TENM3: variants seen among roughly 807,000 people sequenced by gnomAD.
TENM3 encodes teneurin-3.
A neutral mutation model predicts 255.1 loss-of-function variants in TENM3; 63 were observed. That is an observed-to-expected ratio of 0.25 (90% CI 0.20 to 0.30). The LOEUF is 0.30. Ranked by LOEUF, TENM3 falls within the 10% of genes least tolerant of loss-of-function variation. TENM3 has a pLI of 1.00. For synonymous variants in TENM3, 1,306 were observed against 1,322.3 expected, an observed-to-expected ratio of 0.99 and a Z score of 0.27; for missense variants, 2,929 against 3,461.1, an observed-to-expected ratio of 0.85 and a Z score of 3.86.
At chr4:181,482,839 G>A in the TENM3 span, among the ~76,000 whole-genome samples, 1 of 152,078 alleles carries the variant, frequency 6.6e-6, no homozygotes, top group African/African-American at 2.4e-5. Flanking sequence ...TCTCACAGAA[G>A]CAGAAATAAA....
At chr4:181,623,309 C>T in the TENM3 span, among the ~76,000 whole-genome samples, 4 of 152,160 alleles carry the variant, frequency 2.6e-5, no homozygotes, top group African/African-American at 9.7e-5. Flanking sequence ...TGAATTACTA[C>T]GTGTAAAGTC....
chr4:182,000,047 A>G, the TENM3 span, among the ~76,000 whole-genome samples: 1 of 152,112 alleles, frequency 6.6e-6, no homozygotes, highest in Non-Finnish European at 1.5e-5. Context: ...GACTTCAGAG[A>G]TTTTAATTTG....
the TENM3 span, among the ~76,000 whole-genome samples, chr4:181,516,316 A>G: frequency 6.6e-6 from 1 of 151,622 alleles, no homozygotes; most frequent in Non-Finnish European, 1.5e-5. Context: ...GCACACATTT[A>G]TCTATGTAAC....
At chr4:181,451,586 G>T in the TENM3 span, among the ~76,000 whole-genome samples, 4 of 152,138 alleles carry the variant, frequency 2.6e-5, no homozygotes, top group Non-Finnish European at 5.9e-5. Flanking sequence ...AGGTGTAGGG[G>T]TCTGAGGAGG....
intron 12 of TENM3, among the ~76,000 whole-genome samples, chr4:182,691,549 T>G (rs1220602482): frequency 6.6e-6 from 1 of 152,248 alleles, no homozygotes; most frequent in African/African-American, 2.4e-5. Context: ...CCTGTCTACC[T>G]GAAAGGGTTC....
At chr4:181,508,541 C>T in the TENM3 span, among the ~76,000 whole-genome samples, 1 of 152,128 alleles carries the variant, frequency 6.6e-6, no homozygotes, top group Non-Finnish European at 1.5e-5. Context: ...TAGTTGTTTA[C>T]TTCGGTGTTT....
chr4:182,458,741 G>T (rs1262963503), intron 3 of TENM3, among the ~76,000 whole-genome samples: 1 of 152,152 alleles, frequency 6.6e-6, no homozygotes, highest in Non-Finnish European at 1.5e-5. Context: ...CTTTGTGTAT[G>T]TATTTGTACT....
intron 3 of TENM3, among the ~76,000 whole-genome samples, chr4:182,364,203 A>G (rs1766236704): frequency 6.6e-6 from 1 of 152,024 alleles, no homozygotes. Flanking sequence ...GATCAAATGA[A>G]CTTAAGAATA....
At chr4:182,113,588 G>A in the TENM3 span, among the ~76,000 whole-genome samples, 1 of 152,028 alleles carries the variant, frequency 6.6e-6, no homozygotes, top group African/African-American at 2.4e-5. Flanking sequence ...CATTACATCC[G>A]TATTTTCTTA....
At chr4:181,920,147 G>A in the TENM3 span, among the ~76,000 whole-genome samples, 2 of 151,858 alleles carry the variant, frequency 1.3e-5, no homozygotes, top group African/African-American at 2.4e-5. Context: ...TGGACATTTG[G>A]GTTTGTTCCA....
chr4:181,905,029 C>T, the TENM3 span, among the ~76,000 whole-genome samples: 3 of 152,096 alleles, frequency 2.0e-5, no homozygotes, highest in Admixed American at 2.0e-4. Context: ...GTGAGGCCTC[C>T]CCAGCCACAT....
chr4:181,579,449 A>G, the TENM3 span, among the ~76,000 whole-genome samples: 1 of 152,208 alleles, frequency 6.6e-6, no homozygotes, highest in Non-Finnish European at 1.5e-5. Flanking sequence ...TTGATACACT[A>G]TCTCTTCTGA....
At chr4:182,718,398 C>T (rs776305874) in intron 13 of TENM3, among the ~76,000 whole-genome samples, 16 of 152,148 alleles carry the variant, frequency 1.1e-4, no homozygotes, top group Admixed American at 7.2e-4. Flanking sequence ...ACACACCTTT[C>T]TTCATGGTTG....
Position 182,786,573 on chromosome 4 carries a change from A to AG in TENM3, c.5305-2520_5305-2519insG, listed in dbSNP as rs903598002. On this transcript the variant is annotated intron_variant, in intron 24 of 27. Transcript: ENST00000511685. ...CCCCGTCTTAAAAAAAAAAAAAAAA[A>AG]AGAAATCAGATGCCCGAGCAGCATG... Among the ~76,000 whole-genome samples, 20 of 151,744 alleles carry AG rather than the reference A, an allele frequency of 1.3e-4. 1 individual carries two copies. Among genetic ancestry groups the AG allele is most frequent in the Non-Finnish European group, 2.2e-4 (15 of 67,916 alleles).
At chr4:182,388,199 C>T (rs1165738586) in intron 3 of TENM3, among the ~76,000 whole-genome samples, 1 of 152,100 alleles carries the variant, frequency 6.6e-6, no homozygotes, top group African/African-American at 2.4e-5. Flanking sequence ...TTCAAAGTTC[C>T]ATCGCCACTT....
the TENM3 span, among the ~76,000 whole-genome samples, chr4:182,129,141 G>A: frequency 3.0e-4 from 46 of 152,182 alleles, 2 homozygotes; most frequent in African/African-American, 4.8e-5. Context: ...CTATTAAGTC[G>A]TTTTAAATTC....
In TENM3 at chr4:182,243,408, C is replaced by T. The variant is rs1266091057; in HGVS notation, c.-144C>T. On this transcript the variant is annotated 5_prime_UTR_variant, in exon 1 of 28. Transcript: ENST00000511685. Reference sequence around the variant, plus strand: ...GTGATTACAGGCATGAGCCATCGCACCTGGCCATGAAGGCTTTTAGATGGG... The same window carrying T: ...GTGATTACAGGCATGAGCCATCGCATCTGGCCATGAAGGCTTTTAGATGGG... The T allele has an allele frequency of 6.6e-6, 1 of 152,436 alleles. No homozygotes were observed. The highest frequency in any genetic ancestry group is 1.9e-4 in the East Asian group (1 of 5,190). 9.4% of individuals were successfully genotyped at this position (152,436 alleles called of 1,614,324 possible). A position where few individuals can be genotyped will look rare whatever the true frequency, so the allele number is the denominator to read the frequency against.
chr4:182,100,464 TATAC>T, the TENM3 span, among the ~76,000 whole-genome samples: 4 of 75,372 alleles, frequency 5.3e-5, no homozygotes, highest in Non-Finnish European at 1.2e-4. Context: ...TATATATATA[TATAC>T]ACACACACAC....
At chr4:182,625,116 T>G (rs560674203) in intron 4 of TENM3, among the ~76,000 whole-genome samples, 4 of 152,166 alleles carry the variant, frequency 2.6e-5, no homozygotes, top group Non-Finnish European at 5.9e-5. Flanking sequence ...CAGTTATCAT[T>G]ATTGTTGTTA....
Sources: allele counts gnomAD v4.1 joint callset (sites outside exome capture counted in the v4.1 genomes callset), GRCh38; gene constraint gnomAD v4.1.1; transcripts MANE v1.5; gene names NCBI Gene and HGNC (gene_info 2026-07-23, HGNC 2026-07-21).